Variants in MTO1 observed in about 807,000 individuals in gnomAD.
MTO1 encodes 5-taurinomethyluridine-[tRNA] synthase subunit MTO1, mitochondrial.
Under a neutral mutation model 71.6 loss-of-function variants are expected in MTO1, and 46 were observed. The observed-to-expected ratio is 0.64, with a 90% confidence interval of 0.51 to 0.82. MTO1 has a LOEUF of 0.82. Among genes scored for constraint, MTO1 ranks in the 40% least tolerant of loss-of-function variants. The pLI is 0.00. For synonymous variants in MTO1, 297 were observed against 312.1 expected, an observed-to-expected ratio of 0.95 and a Z score of 0.51; for missense variants, 773 against 867.5, an observed-to-expected ratio of 0.89 and a Z score of 1.37.
chr6:73,498,102 A>G (rs1407213266), intron 11 of MTO1, among the ~76,000 whole-genome samples: 2 of 152,162 alleles, frequency 1.3e-5, no homozygotes, highest in East Asian at 1.9e-4. Context: ...AGCGCCAGCT[A>G]CTCGGGAGGC....
rs1277645589 is a variant in MTO1, at chr6:73,491,066, G to A, written c.1638-1168G>A. 4.6e-5 allele frequency among the ~76,000 whole-genome samples: 7 copies of A among 152,146 alleles called. No homozygotes were observed. In the East Asian group the frequency reaches 7.7e-4, roughly 17 times the overall value. On this transcript the variant is annotated intron_variant, in intron 9 of 11. Transcript: ENST00000498286. ...CATTAATACTTAGGCATGTTCTTTT[G>A]TTGGCCTAGGTAAGTTGCCTGGGAA...
chr6:73,506,771 C>T lies in MTO1; in HGVS notation c.*6036C>T, dbSNP rs1772299333. ...TGGCGCAACATCAGGTCACTGCAAA[C>T]TCTGCCTCCCGGGTTCAAGCGATTC... On this transcript the variant is annotated 3_prime_UTR_variant, in exon 12 of 12. Transcript: ENST00000498286. The T allele has an allele frequency of 7.3e-6, 1 of 136,264 alleles. No individual in the cohort carries two copies. The highest frequency in any genetic ancestry group is 1.5e-5 in the Non-Finnish European group (1 of 64,904). The allele number at this position is 136,264 out of a possible 1,614,324, so 8.4% of individuals were successfully genotyped here.
chr6:73,469,178 A>G (rs1315912762), intron 3 of MTO1, among the ~76,000 whole-genome samples: 1 of 151,588 alleles, frequency 6.6e-6, no homozygotes, highest in African/African-American at 2.4e-5. Context: ...CTTATTTTCA[A>G]TTTTTTTGGA....
At chr6:73,473,719 A>T in intron 4 of MTO1, 65 bp downstream of exon 4, 1 of 1,205,628 alleles carries the variant, frequency 8.3e-7, no homozygotes. Context: ...GAAGTACTGT[A>T]ACTTTTTTTT....
chr6:73,484,259 A>C (rs1308283369), intron 9 of MTO1, among the ~76,000 whole-genome samples: 2 of 152,194 alleles, frequency 1.3e-5, no homozygotes, highest in African/African-American at 4.8e-5. Context: ...TTGTCCATTC[A>C]GACTGCTATA....
chr6:73,473,596 A>G lies in MTO1; in HGVS notation c.767A>G (p.His256Arg), dbSNP rs1771216675. 9 of 1,614,100 alleles carry G rather than the reference A, an allele frequency of 5.6e-6. No homozygotes were observed. Among genetic ancestry groups the G allele is most frequent in the Non-Finnish European group, 7.6e-6 (9 of 1,179,986 alleles). The change falls in exon 4 of 12, where the codon CAT becomes CGT. Residue 256 changes from histidine (H) to arginine (R), a missense_variant. Physicochemically the swap from His to Arg is conservative, Grantham distance 29. Transcript: ENST00000498286. ...ATTAATTTCAGTATTCTAAACAAGC[A>G]TATACCGGACAATCCATCCATACCA... ...ESINFSILNK[H>R]IPDNPSIPFS... is the part of the protein sequence containing the mutation.
In MTO1 at chr6:73,507,613, A is replaced by G. The variant is rs1772321466; in HGVS notation, c.*6878A>G. On this transcript the variant is annotated 3_prime_UTR_variant, in exon 12 of 12. Transcript: ENST00000498286. The stretch of plus-strand genomic sequence containing the variant: ...CATAGATCTCAGGTCTTCTGACTTC[A>G]CAACACCTTTCTGCCACTTTCAGTG... 2 of 152,246 alleles carry G rather than the reference A, an allele frequency of 1.3e-5. No homozygotes were observed. Among genetic ancestry groups the G allele is most frequent in the Admixed American group, 1.3e-4 (2 of 15,286 alleles). 9.4% of individuals were successfully genotyped at this position (152,246 alleles called of 1,614,324 possible).
chr6:73,461,816 T>C lies in MTO1; in HGVS notation c.-39T>C. On this transcript the variant is annotated 5_prime_UTR_variant, in exon 1 of 12. Transcript: ENST00000498286. ...TTGCGTAAGTTTTTTTGACCGTCAC[T>C]CGTGTCAGCTTCAAAGTCAGATAGA... 1 of 1,594,134 alleles carries C rather than the reference T, an allele frequency of 6.3e-7. No individual in the cohort carries two copies. Among genetic ancestry groups the C allele is most frequent in the Non-Finnish European group, 8.6e-7 (1 of 1,164,016 alleles).
chr6:73,492,323 G>A lies in MTO1; in HGVS notation c.1727G>A (p.Arg576Lys). Residue 576 changes from arginine (R) to lysine (K), a missense_variant, in exon 10 of 12, where the codon AGA (arginine) becomes AAA (lysine). Coordinates refer to ENST00000498286, the MANE Select transcript of MTO1 (RefSeq NM_012123.4). ...PEPLKKYTKC[R>K]ELAERLKIEA... ...CCCTTGAAGAAGTATACTAAATGTA[G>A]AGAGCTGGCTGAAAGACTGAAAATA... 2 of 1,613,052 alleles carry A rather than the reference G, an allele frequency of 1.2e-6. No homozygotes were observed. The highest frequency in any genetic ancestry group is 2.2e-5 in the South Asian group (2 of 91,060).
intron 3 of MTO1, among the ~76,000 whole-genome samples, chr6:73,471,236 C>T (rs1198370536): frequency 3.4e-5 from 5 of 147,782 alleles, no homozygotes; most frequent in African/African-American, 7.5e-5. Flanking sequence ...GGGTTTGTTC[C>T]GATGGTTACC....
chr6:73,495,243 A>G (rs950836582), intron 10 of MTO1, among the ~76,000 whole-genome samples: 2 of 152,216 alleles, frequency 1.3e-5, no homozygotes, highest in African/African-American at 4.8e-5. Flanking sequence ...CTTCCAAATT[A>G]TTAAACACTA....
rs1389454266 is a variant in MTO1 at position 73,506,327 on chromosome 6, A to G, written c.*5592A>G. The G allele has an allele frequency of 1.3e-5, 2 of 152,100 alleles. No individual in the cohort carries two copies. Among genetic ancestry groups the G allele is most frequent in the African/African-American group, 4.8e-5 (2 of 41,390 alleles). The allele number at this position is 152,100 out of a possible 1,614,324, so 9.4% of individuals were successfully genotyped here. A position where few individuals can be genotyped will look rare whatever the true frequency, so the allele number is the denominator to read the frequency against. The stretch of plus-strand genomic sequence containing the variant: ...TTTGATATGGTTTGGCTGTGTCCCC[A>G]CCCAAATCTCAACTTGAACTGTATC... On this transcript the variant is annotated 3_prime_UTR_variant, in exon 12 of 12. Coordinates refer to ENST00000498286, the MANE Select transcript of MTO1 (RefSeq NM_012123.4).
chr6:73,494,099 G>T (rs1771915609), intron 10 of MTO1, among the ~76,000 whole-genome samples: 1 of 151,962 alleles, frequency 6.6e-6, no homozygotes, highest in Admixed American at 6.6e-5. Context: ...GCTGAGCATG[G>T]TGGCAGGCAC....
chr6:73,464,237 A>C (rs1770912905), intron 1 of MTO1: 1 of 152,206 alleles, frequency 6.6e-6, no homozygotes, highest in East Asian at 1.9e-4. Flanking sequence ...TTGTAATCCC[A>C]GCATTTGGGG....
In MTO1 at chr6:73,466,240, C is replaced by T; in HGVS notation, c.249C>T (p.Gly83=). Reference sequence around the variant, plus strand: ...TGTCATGTAATCCTTCCTTTGGTGGCATCGGAAAGGGACATTTAATGAGGG... The same window carrying T: ...TGTCATGTAATCCTTCCTTTGGTGGTATCGGAAAGGGACATTTAATGAGGG... ...GQMSCNPSFG[G]IGKGHLMREV... is the part of the protein sequence containing the mutation. The change falls in exon 2 of 12, where the codon GGC becomes GGT. Residue 83 remains glycine, a synonymous_variant. Coordinates refer to ENST00000498286, the MANE Select transcript of MTO1 (RefSeq NM_012123.4). 6.2e-7 allele frequency: 1 copy of T among 1,613,832 alleles called. No homozygotes were observed. Among genetic ancestry groups the T allele is most frequent in the South Asian group, 1.1e-5 (1 of 91,068 alleles).
intron 11 of MTO1, among the ~76,000 whole-genome samples, chr6:73,498,806 C>T (rs1469768581): frequency 1.3e-5 from 2 of 151,834 alleles, no homozygotes; most frequent in Non-Finnish European, 2.9e-5. Context: ...CTCACTGCAA[C>T]CTCTGCCTCC....
chr6:73,495,259 A>G (rs1004208399), intron 10 of MTO1, among the ~76,000 whole-genome samples: 14 of 152,310 alleles, frequency 9.2e-5, no homozygotes, highest in African/African-American at 3.1e-4. Flanking sequence ...CACTAGCAAT[A>G]TATTAAGGTA....
chr6:73,482,453 TAA>T lies in MTO1; in HGVS notation c.1472_1473del (p.Lys491ArgfsTer11), dbSNP rs1172701702. 6.2e-7 allele frequency: 1 copy of T among 1,610,764 alleles called. No homozygotes were observed. The highest frequency in any genetic ancestry group is 8.5e-7 in the Non-Finnish European group (1 of 1,179,156). ...TTCTCTTTCTCCCTTCCCTAGGGTA[TAA>T]AGACGCTGGCTGTGTGTCCCAACAA... ...ADSRLTLRGY[K>X]DAGCVSQQRY... On this transcript the variant is annotated frameshift_variant, in exon 9 of 12. Transcript: ENST00000498286. LOFTEE classifies it high-confidence loss of function.
intron 4 of MTO1, among the ~76,000 whole-genome samples, chr6:73,474,650 G>A (rs1379958694): frequency 2.6e-5 from 4 of 151,048 alleles, no homozygotes; most frequent in Non-Finnish European, 5.9e-5. Flanking sequence ...GTTTCACCAT[G>A]TTGGCCAGGC....
Sources: allele counts gnomAD v4.1 joint callset (sites outside exome capture counted in the v4.1 genomes callset), GRCh38; gene constraint gnomAD v4.1.1; transcripts MANE v1.5; gene names NCBI Gene and HGNC (gene_info 2026-07-23, HGNC 2026-07-21).